Variants in CCDC85C observed in about 807,000 individuals in gnomAD.
CCDC85C encodes coiled-coil domain containing 85C.
CCDC85C carries 18 observed loss-of-function variants against 38.3 expected under a neutral mutation model. The observed-to-expected ratio is 0.47, with a 90% CI of 0.33 to 0.70. The LOEUF (loss-of-function observed/expected upper bound fraction) is 0.70, where lower values mean the gene tolerates loss of function less well. Ranked by LOEUF, CCDC85C falls within the 30% of genes least tolerant of loss-of-function variation. The pLI, the probability that CCDC85C is intolerant of heterozygous loss-of-function variation, is 0.03. For missense variants in CCDC85C, 566 were observed against 621.2 expected (o/e 0.91, Z 0.94); for synonymous variants, 264 against 293.8 (o/e 0.90, Z 1.04).
Position 99,504,129 on chromosome 14 carries a change from C to A in CCDC85C, c.*11117G>T. 1 of 321,832 alleles carries A rather than the reference C, an allele frequency of 3.1e-6. No individual in the cohort carries two copies. Among genetic ancestry groups the A allele is most frequent in the Non-Finnish European group, 6.3e-6 (1 of 159,380 alleles). The allele number at this position is 321,832 out of a possible 1,614,324, so 19.9% of individuals were successfully genotyped here. ...TGAGGTGCTGTCACATGTCTAGAAC[C>A]CAAAGTTAGTTCATGTCAATATTGG... On this transcript the variant is annotated 3_prime_UTR_variant, in exon 6 of 6. Transcript: ENST00000380243.
intron 1 of CCDC85C, among the ~76,000 whole-genome samples, chr14:99,590,073 ACCAGAC>A (rs1260706849): frequency 1.3e-5 from 2 of 152,174 alleles, no homozygotes; most frequent in Admixed American, 6.5e-5. Flanking sequence ...TGTTGCCCAC[ACCAGAC>A]CAGCCCTCAT....
Position 99,520,210 on chromosome 14 carries a change from G to T in CCDC85C, c.975+1923C>A. Among the ~76,000 whole-genome samples, 1 of 152,106 alleles carries T rather than the reference G, an allele frequency of 6.6e-6. No homozygotes were observed. Among genetic ancestry groups the T allele is most frequent in the Non-Finnish European group, 1.5e-5 (1 of 67,992 alleles). ...AAGGAGACTTGCCTGGGTCTGGAAG[G>T]GCCTGTGTGCCAGGCAGTGTCTGAG... On this transcript the variant is annotated intron_variant, in intron 3 of 5. Transcript: ENST00000380243. The surrounding 1 kb of genome is among the most constrained non-coding windows in gnomAD (Gnocchi z 4.1).
In CCDC85C at chr14:99,510,307, C is replaced by G. The variant is rs781478973; in HGVS notation, c.*4939G>C. 1.3e-6 allele frequency: 2 copies of G among 1,550,188 alleles called. No individual in the cohort carries two copies. The highest frequency in any genetic ancestry group is 2.3e-5 in the South Asian group (2 of 87,446). On this transcript the variant is annotated 3_prime_UTR_variant, in exon 6 of 6. Coordinates refer to ENST00000380243, the MANE Select transcript of CCDC85C (RefSeq NM_001144995.2). ...CCGCTGCCACACCGGCCCCCGCCCC[C>G]ACCCCCCTCCAGCTACATGACCGGG... is the stretch of plus-strand genomic sequence containing the variant.
Position 99,502,346 on chromosome 14 carries a change from G to T in CCDC85C, c.*12900C>A. On this transcript the variant is annotated 3_prime_UTR_variant, in exon 6 of 6. Transcript: ENST00000380243. ...GTATAGGAGATGGTGGGAGCAGTTT[G>T]TTCAAGATGTCCCGGTCGACGTTTT... 6.2e-7 allele frequency: 1 copy of T among 1,613,730 alleles called. No homozygotes were observed. Among genetic ancestry groups the T allele is most frequent in the Non-Finnish European group, 8.5e-7 (1 of 1,179,836 alleles).
chr14:99,536,670 A>G (rs1413736915), intron 1 of CCDC85C, among the ~76,000 whole-genome samples: 1 of 152,186 alleles, frequency 6.6e-6, no homozygotes, highest in Non-Finnish European at 1.5e-5. Flanking sequence ...GCTGCAGGTG[A>G]GCAGCCACCT....
chr14:99,579,686 C>G (rs919519754), intron 1 of CCDC85C, among the ~76,000 whole-genome samples: 7 of 152,104 alleles, frequency 4.6e-5, no homozygotes, highest in Non-Finnish European at 1.0e-4. Flanking sequence ...TGGTCAGCTC[C>G]CTGGGGGAGG....
rs2139918071 is a variant in CCDC85C, at chr14:99,535,824, G to A, written c.867+191C>T. 6.6e-6 allele frequency among the ~76,000 whole-genome samples: 1 copy of A among 152,262 alleles called. No homozygotes were observed. Among genetic ancestry groups the A allele is most frequent in the Non-Finnish European group, 1.5e-5 (1 of 68,012 alleles). On this transcript the variant is annotated intron_variant, in intron 2 of 5. Transcript: ENST00000380243. The surrounding 1 kb of genome is among the most constrained non-coding windows in gnomAD (Gnocchi z 5.5). ...TACTGGGCAGTCAGCATGGAAGGTT[G>A]GGCAGAGGGAAGCCCAGAGGTGTGG...
At position 99,502,389 on chromosome 14, in the gene CCDC85C, C is replaced by A. The variant is rs1896854029; in HGVS notation, c.*12857G>T. The A allele has an allele frequency of 6.2e-7, 1 of 1,611,656 alleles. No individual in the cohort carries two copies. ...GACGTTTTGGAAGGTACCAGGCATG[C>A]TAAGCGTTCTCGTGAGGGTGTTCCA... On this transcript the variant is annotated 3_prime_UTR_variant, in exon 6 of 6. Coordinates refer to ENST00000380243, the MANE Select transcript of CCDC85C (RefSeq NM_001144995.2).
intron 1 of CCDC85C, among the ~76,000 whole-genome samples, chr14:99,586,835 C>G (rs1279188148): frequency 6.6e-6 from 1 of 152,188 alleles, no homozygotes; most frequent in Non-Finnish European, 1.5e-5. Flanking sequence ...CATCAAGGCC[C>G]CCCGGCCAGA....
At chr14:99,565,618 G>A (rs1310155174) in intron 1 of CCDC85C, among the ~76,000 whole-genome samples, 6 of 152,202 alleles carry the variant, frequency 3.9e-5, no homozygotes, top group South Asian at 2.1e-4. Flanking sequence ...GGCTGGGAGC[G>A]GGGGCAGGCT....
intron 1 of CCDC85C, among the ~76,000 whole-genome samples, chr14:99,556,817 G>A (rs1216395002): frequency 6.6e-6 from 1 of 152,016 alleles, no homozygotes; most frequent in Non-Finnish European, 1.5e-5. Context: ...ATGAGCCACT[G>A]TGCCCCGCTG....
chr14:99,525,819 G>A (rs530634121), intron 2 of CCDC85C, among the ~76,000 whole-genome samples: 1 of 152,304 alleles, frequency 6.6e-6, no homozygotes, highest in Non-Finnish European at 1.5e-5. Flanking sequence ...CTCGTGGAGG[G>A]GCCACCTGGC....
chr14:99,547,145 G>A (rs950885624), intron 1 of CCDC85C, among the ~76,000 whole-genome samples: 1 of 152,050 alleles, frequency 6.6e-6, no homozygotes, highest in African/African-American at 2.4e-5. Context: ...TATCATGCCT[G>A]TGAATAGCCA....
At chr14:99,570,556 G>C (rs1397916549) in intron 1 of CCDC85C, among the ~76,000 whole-genome samples, 1 of 152,122 alleles carries the variant, frequency 6.6e-6, no homozygotes, top group Admixed American at 6.5e-5. Context: ...TTTTCAGGGA[G>C]GGGGACAGGA....
chr14:99,544,413 C>T lies in CCDC85C; in HGVS notation c.794-8325G>A, dbSNP rs540925874. On this transcript the variant is annotated intron_variant, in intron 1 of 5. Coordinates refer to ENST00000380243, the MANE Select transcript of CCDC85C (RefSeq NM_001144995.2). This position sits in a 1 kb window ranked among gnomAD's most constrained non-coding sequence, Gnocchi z 5.3. ...CAGCAACTTTCACCTACTCCCCCAA[C>T]AAAGAGACCGAGGTTCCGAGGGGCT... Among the ~76,000 whole-genome samples the T allele has an allele frequency of 2.6e-5, 4 of 152,296 alleles. No individual in the cohort carries two copies. Among genetic ancestry groups the T allele is most frequent in the Non-Finnish European group, 4.4e-5 (3 of 68,028 alleles).
chr14:99,591,811 G>A (rs1044556148), intron 1 of CCDC85C, among the ~76,000 whole-genome samples: 12 of 148,642 alleles, frequency 8.1e-5, no homozygotes, highest in African/African-American at 2.5e-4. Context: ...CTCCGCTCAC[G>A]GCAACCTCCA....
Position 99,517,183 on chromosome 14 carries a change from C to T in CCDC85C, c.976G>A (p.Gly326Ser). The T allele has an allele frequency of 6.5e-7, 1 of 1,540,846 alleles. No individual in the cohort carries two copies. ...PPSYQDSLQN[G>S]PACPAPELPS... ...AGCTCAGGTGCGGGGCAGGCCGGGC[C>T]CTGGGGAAGGCAATCACACATCTCA... is the stretch of plus-strand genomic sequence containing the variant. Residue 326 changes from glycine to serine, a missense_variant and splice_region_variant, in exon 4 of 6, where the codon GGC (glycine) becomes AGC (serine). This residue lies in a region of CCDC85C where 286 missense variants were observed against 276.4 expected (regional missense o/e 1.03). Coordinates refer to ENST00000380243, the MANE Select transcript of CCDC85C (RefSeq NM_001144995.2).
At chr14:99,552,585 G>A (rs1395935775) in intron 1 of CCDC85C, among the ~76,000 whole-genome samples, 1 of 152,202 alleles carries the variant, frequency 6.6e-6, no homozygotes, top group African/African-American at 2.4e-5. Flanking sequence ...TTCTGGAGAG[G>A]GTCCTGGCCA....
intron 1 of CCDC85C, among the ~76,000 whole-genome samples, chr14:99,600,621 A>G (rs1181889953): frequency 2.0e-5 from 3 of 152,342 alleles, no homozygotes; most frequent in African/African-American, 7.2e-5. Context: ...CAGGACAGGT[A>G]CTTCCAATGT....
Sources: gnomAD v4.1 joint callset for allele counts (sites outside exome capture counted in the v4.1 genomes callset) on GRCh38, gnomAD v4.1.1 for gene constraint, gnomAD v4.1.1 regional missense constraint, Gnocchi (gnomAD v3.1) non-coding constraint, MANE v1.5 for transcripts, NCBI Gene and HGNC (gene_info 2026-07-23, HGNC 2026-07-21) for gene names.